The following C8orf34 variants were observed in gnomAD, a reference collection of about 807,000 sequenced individuals.
C8orf34 encodes uncharacterized protein C8orf34.
C8orf34 carries 65 observed loss-of-function variants against 68.3 expected under a neutral mutation model. The ratio of observed to expected loss-of-function variants is 0.95; its 90% confidence interval spans 0.78 to 1.17. The LOEUF (loss-of-function observed/expected upper bound fraction) is 1.17. Ranked by LOEUF, C8orf34 falls within the 50% of genes most tolerant of loss-of-function variation. The probability of loss-of-function intolerance (pLI) is 0.00; values close to 1 mark genes in which losing one functional copy is unlikely to be tolerated. For synonymous variants in C8orf34, 244 were observed against 241.2 expected (o/e 1.01, Z -0.11); for missense variants, 664 against 655.4 (o/e 1.01, Z -0.14).
At chr8:68,566,097 T>A (rs771978781) in intron 7 of C8orf34, among the ~76,000 whole-genome samples, 1 of 152,214 alleles carries the variant, frequency 6.6e-6, no homozygotes, top group Non-Finnish European at 1.5e-5. Flanking sequence ...CAATTATACA[T>A]CCATGGTTAA....
chr8:68,414,531 A>G (rs1244514198), intron 1 of C8orf34, among the ~76,000 whole-genome samples: 2 of 152,242 alleles, frequency 1.3e-5, no homozygotes, highest in East Asian at 3.8e-4. Context: ...CACTATTGAC[A>G]TAATTTATTC....
intron 12 of C8orf34, among the ~76,000 whole-genome samples, chr8:68,806,891 CT>C (rs1824504545): frequency 6.6e-6 from 1 of 152,128 alleles, no homozygotes; most frequent in Non-Finnish European, 1.5e-5. Context: ...AGGCTCATGC[CT>C]TTTCCATGAC....
chr8:68,385,024 G>A (rs768047007), intron 1 of C8orf34, among the ~76,000 whole-genome samples: 8 of 152,220 alleles, frequency 5.3e-5, no homozygotes, highest in Non-Finnish European at 1.2e-4. Context: ...CTTTTAATGA[G>A]TTTAAAGTCT....
chr8:68,413,575 T>C (rs1809535136), intron 1 of C8orf34, among the ~76,000 whole-genome samples: 2 of 152,170 alleles, frequency 1.3e-5, no homozygotes, highest in African/African-American at 4.8e-5. Flanking sequence ...CCCTAAACAA[T>C]CCCTTGCTCA....
intron 3 of C8orf34, among the ~76,000 whole-genome samples, chr8:68,461,856 A>G (rs200828655): frequency 3.9e-5 from 6 of 152,222 alleles, no homozygotes; most frequent in South Asian, 2.1e-4. Context: ...TGTAAAGACC[A>G]TCAAGGCTAG....
At chr8:68,399,525 G>A (rs1808859446) in intron 1 of C8orf34, among the ~76,000 whole-genome samples, 1 of 152,098 alleles carries the variant, frequency 6.6e-6, no homozygotes, top group South Asian at 2.1e-4. Context: ...ATTCCACTGT[G>A]TATACATATC....
intron 7 of C8orf34, among the ~76,000 whole-genome samples, chr8:68,614,734 C>T (rs1818142815): frequency 6.6e-6 from 1 of 152,152 alleles, no homozygotes; most frequent in Non-Finnish European, 1.5e-5. Flanking sequence ...ATGCCTCCAG[C>T]TTTGTTCTTT....
intron 10 of C8orf34, among the ~76,000 whole-genome samples, chr8:68,725,985 T>C (rs1293401525): frequency 6.6e-6 from 1 of 152,196 alleles, no homozygotes; most frequent in Non-Finnish European, 1.5e-5. Flanking sequence ...CTCAGCTCAC[T>C]GCAACCTCCG....
intron 5 of C8orf34, among the ~76,000 whole-genome samples, chr8:68,490,820 C>A (rs1285373330): frequency 4.6e-5 from 7 of 152,082 alleles, no homozygotes; most frequent in Admixed American, 4.6e-4. Flanking sequence ...GGCAGTCACC[C>A]TTGGAGGAGC....
intron 10 of C8orf34, among the ~76,000 whole-genome samples, chr8:68,751,415 T>G (rs1251471613): frequency 1.3e-5 from 2 of 152,196 alleles, no homozygotes; most frequent in African/African-American, 4.8e-5. Context: ...ATTGTTATTT[T>G]TAAATTACTT....
intron 8 of C8orf34, among the ~76,000 whole-genome samples, chr8:68,706,826 A>G (rs1034923478): frequency 1.3e-5 from 2 of 152,210 alleles, no homozygotes; most frequent in Non-Finnish European, 2.9e-5. Context: ...AAAGTTATAC[A>G]TAATCCTGTG....
At chr8:68,634,656 T>A (rs1005012919) in intron 7 of C8orf34, among the ~76,000 whole-genome samples, 2 of 152,220 alleles carry the variant, frequency 1.3e-5, no homozygotes, top group African/African-American at 4.8e-5. Context: ...ATTTTTGTTC[T>A]TTGTATATTT....
chr8:68,815,059 C>T (rs1380333520), intron 12 of C8orf34, among the ~76,000 whole-genome samples: 1 of 152,146 alleles, frequency 6.6e-6, no homozygotes, highest in Non-Finnish European at 1.5e-5. Context: ...TCTTGTAGGG[C>T]TAGTGTTCCA....
At chr8:68,718,231 T>A (rs1821533355) in intron 9 of C8orf34, among the ~76,000 whole-genome samples, 1 of 152,168 alleles carries the variant, frequency 6.6e-6, no homozygotes, top group Non-Finnish European at 1.5e-5. Context: ...ATGTTACCCA[T>A]CGTGCCCAAT....
At chr8:68,477,696 G>T (rs373802768) in intron 4 of C8orf34, among the ~76,000 whole-genome samples, 1 of 152,194 alleles carries the variant, frequency 6.6e-6, no homozygotes, top group Admixed American at 6.5e-5. Context: ...GGCTCCACCC[G>T]TGTAGCAGAC....
intron 5 of C8orf34, among the ~76,000 whole-genome samples, chr8:68,508,637 C>CTG (rs1397266258): frequency 6.6e-6 from 1 of 152,140 alleles, no homozygotes; most frequent in African/African-American, 2.4e-5. Flanking sequence ...GGTTGGCTGG[C>CTG]TGTCAGTTGA....
intron 9 of C8orf34, among the ~76,000 whole-genome samples, chr8:68,717,912 A>G (rs1008773404): frequency 2.0e-5 from 3 of 152,202 alleles, no homozygotes; most frequent in African/African-American, 7.2e-5. Flanking sequence ...GACAATGAAC[A>G]TTAAGTAATG....
chr8:68,708,928 G>T (rs908054850), intron 8 of C8orf34, 66 bp from the exon 9 acceptor site: 2 of 1,135,096 alleles, frequency 1.8e-6, no homozygotes, highest in Non-Finnish European at 2.6e-6. Context: ...GTCCCCCATG[G>T]TGCATAGTTC....
At chr8:68,366,215 G>A (rs1233225897) in intron 1 of C8orf34, among the ~76,000 whole-genome samples, 21 of 65,806 alleles carry the variant, frequency 3.2e-4, no homozygotes, top group Non-Finnish European at 2.7e-5. Context: ...TCTTCAAGGA[G>A]AACTACAAAC....
Sources: allele counts gnomAD v4.1 joint callset (sites outside exome capture counted in the v4.1 genomes callset), GRCh38; gene constraint gnomAD v4.1.1; transcripts MANE v1.5; gene names NCBI Gene and HGNC (gene_info 2026-07-23, HGNC 2026-07-21).